The following DLGAP2 variants were observed in gnomAD, a reference collection of about 807,000 sequenced individuals.
DLGAP2 encodes the protein DLG associated protein 2, also known as disks large-associated protein 2.
In DLGAP2, 26 loss-of-function variants were observed where a neutral mutation model predicts 100.3. The ratio of observed to expected loss-of-function variants is 0.26; its 90% CI spans 0.19 to 0.36. DLGAP2 has a LOEUF of 0.36. Among genes scored for constraint, DLGAP2 ranks in the 10% least tolerant of loss-of-function variants. The probability of loss-of-function intolerance (pLI) is 1.00; values close to 1 mark genes in which losing one functional copy is unlikely to be tolerated. For synonymous variants in DLGAP2, 886 were observed against 630.1 expected, an observed-to-expected ratio of 1.41 and a Z score of -6.08; for missense variants, 1,858 against 1,453.2, an observed-to-expected ratio of 1.28 and a Z score of -4.53.
intron 1 of DLGAP2, among the ~76,000 whole-genome samples, chr8:862,074 C>T (rs962937065): frequency 2.0e-5 from 3 of 152,176 alleles, no homozygotes; most frequent in Non-Finnish European, 4.4e-5. Flanking sequence ...TTCTCCTGAA[C>T]CGTTTGTAGA....
At chr8:881,496 CTTTTTTTTTTTT>C (rs533557661) in intron 1 of DLGAP2, among the ~76,000 whole-genome samples, 1 of 85,630 alleles carries the variant, frequency 1.2e-5, no homozygotes. Flanking sequence ...TTTCATCTCT[CTTTTTTTTTTTT>C]TTTTTTTTTG....
At chr8:1,062,159 G>C (rs1305497734) in intron 2 of DLGAP2, among the ~76,000 whole-genome samples, 3 of 152,128 alleles carry the variant, frequency 2.0e-5, no homozygotes, top group Non-Finnish European at 4.4e-5. Context: ...TACAAGGAAG[G>C]AGCTTGCCTC....
chr8:1,062,193 C>T (rs1431716732), intron 2 of DLGAP2, among the ~76,000 whole-genome samples: 1 of 152,176 alleles, frequency 6.6e-6, no homozygotes, highest in African/African-American at 2.4e-5. Context: ...CAAGCAGCCC[C>T]CACATCCACA....
At chr8:756,236 G>A (rs1820917488) in intron 1 of DLGAP2, among the ~76,000 whole-genome samples, 2 of 152,206 alleles carry the variant, frequency 1.3e-5, no homozygotes, top group African/African-American at 2.4e-5. Context: ...CATAGGAGAC[G>A]GGAGAAGGTG....
At chr8:878,947 C>T (rs772660082) in intron 1 of DLGAP2, among the ~76,000 whole-genome samples, 2 of 152,176 alleles carry the variant, frequency 1.3e-5, no homozygotes, top group Non-Finnish European at 2.9e-5. Flanking sequence ...TATAGCAACA[C>T]AAAAGGGACT....
chr8:1,603,116 G>C (rs1024921810), intron 6 of DLGAP2, among the ~76,000 whole-genome samples: 1 of 152,018 alleles, frequency 6.6e-6, no homozygotes, highest in South Asian at 2.1e-4. Flanking sequence ...GTGGAGGCTG[G>C]GTCTCAGTTC....
At chr8:1,067,011 C>G (rs1198243930) in intron 2 of DLGAP2, among the ~76,000 whole-genome samples, 1 of 152,210 alleles carries the variant, frequency 6.6e-6, no homozygotes, top group Non-Finnish European at 1.5e-5. Context: ...ATGCCCGACT[C>G]TGACTGGTGG....
At chr8:911,282 GTTGGAAGGATGCTGGAGAATC>G (rs1469422221) in intron 2 of DLGAP2, among the ~76,000 whole-genome samples, 3 of 152,208 alleles carry the variant, frequency 2.0e-5, no homozygotes, top group Non-Finnish European at 4.4e-5. Flanking sequence ...TGTAATGTAT[GTTGGAAGGATGCTGGAGAATC>G]TTGGAAGGAT....
At chr8:1,258,314 C>T (rs886357656) in intron 2 of DLGAP2, among the ~76,000 whole-genome samples, 11 of 152,204 alleles carry the variant, frequency 7.2e-5, no homozygotes, top group Non-Finnish European at 2.9e-5. Context: ...AAAGTATATT[C>T]GCTGTGTGCA....
intron 6 of DLGAP2, among the ~76,000 whole-genome samples, chr8:1,601,670 C>A (rs560816780): frequency 2.9e-4 from 44 of 152,262 alleles, no homozygotes; most frequent in African/African-American, 9.9e-4. Flanking sequence ...TGGAGCCTCT[C>A]CGCCTCGGCC....
At chr8:1,598,842 A>C (rs1796538373) in intron 6 of DLGAP2, among the ~76,000 whole-genome samples, 1 of 152,000 alleles carries the variant, frequency 6.6e-6, no homozygotes, top group African/African-American at 2.4e-5. Context: ...TTTTTTTTGA[A>C]GGGTTTTTCA....
intron 2 of DLGAP2, 66 bp downstream of exon 2, chr8:908,032 GT>G: frequency 2.5e-6 from 1 of 398,622 alleles, no homozygotes; most frequent in Non-Finnish European, 4.4e-6. Context: ...AGTGAGAAAT[GT>G]GATTACCTAA....
chr8:796,965 C>T (rs999854526), intron 1 of DLGAP2, among the ~76,000 whole-genome samples: 6 of 152,334 alleles, frequency 3.9e-5, no homozygotes, highest in African/African-American at 1.4e-4. Context: ...AACGACAAGC[C>T]TTCCCCAACT....
intron 3 of DLGAP2, among the ~76,000 whole-genome samples, chr8:1,355,226 G>A (rs1406797662): frequency 3.3e-5 from 5 of 152,296 alleles, no homozygotes; most frequent in African/African-American, 9.6e-5. Flanking sequence ...CGTGACAGCG[G>A]TGACACCTGC....
At chr8:1,525,418 C>A (rs1208426708) in intron 4 of DLGAP2, among the ~76,000 whole-genome samples, 1 of 152,084 alleles carries the variant, frequency 6.6e-6, no homozygotes, top group African/African-American at 2.4e-5. Context: ...ATTTTCCATC[C>A]ATTTTTTCTG....
chr8:1,532,053 T>G (rs932496784), intron 4 of DLGAP2, among the ~76,000 whole-genome samples: 2 of 152,192 alleles, frequency 1.3e-5, no homozygotes, highest in South Asian at 4.1e-4. Flanking sequence ...GAGAGACACA[T>G]GGTTGCATTC....
chr8:1,010,918 C>T (rs1584971999), intron 2 of DLGAP2, among the ~76,000 whole-genome samples: 2 of 152,140 alleles, frequency 1.3e-5, no homozygotes, highest in Admixed American at 6.5e-5. Flanking sequence ...ACACAGTGGG[C>T]CCCAGGCGAG....
At chr8:1,364,678 G>C (rs564156717) in intron 3 of DLGAP2, among the ~76,000 whole-genome samples, 4 of 152,328 alleles carry the variant, frequency 2.6e-5, no homozygotes, top group African/African-American at 4.8e-5. Flanking sequence ...GGCAAAGCTC[G>C]ACTGGCAAGG....
At position 1,092,382 on chromosome 8, in the gene DLGAP2, C is replaced by T. The variant is rs139417938; in HGVS notation, c.74-166469C>T. Among the ~76,000 whole-genome samples, 277 of 152,342 alleles carry T rather than the reference C, an allele frequency of 1.8e-3. 1 individual carries two copies. Among genetic ancestry groups the T allele is most frequent in the African/African-American group, 6.4e-3 (265 of 41,594 alleles). ...GGGTCCGCCTGGCACCTTGAGGCCT[C>T]TTATAGCCTTTGCCGTCAGCGATCC... On this transcript the variant is annotated intron_variant, in intron 2 of 14. Coordinates refer to ENST00000637795, the MANE Select transcript of DLGAP2 (RefSeq NM_001346810.2).
Sources: gnomAD v4.1 joint callset for allele counts (sites outside exome capture counted in the v4.1 genomes callset) on GRCh38, gnomAD v4.1.1 for gene constraint, MANE v1.5 for transcripts, NCBI Gene and HGNC (gene_info 2026-07-23, HGNC 2026-07-21) for gene names.